The following SLC24A2 variants were observed in gnomAD, a reference collection of about 807,000 sequenced individuals.
SLC24A2 encodes the protein solute carrier family 24 member 2.
A neutral mutation model predicts 62.0 loss-of-function variants in SLC24A2; 36 were observed. The observed-to-expected ratio is 0.58, with a 90% CI of 0.44 to 0.77. SLC24A2 has a LOEUF of 0.77. Ranked by LOEUF, SLC24A2 falls within the 30% of genes least tolerant of loss-of-function variation. SLC24A2 has a pLI of 0.00. For missense variants in SLC24A2, 846 were observed against 817.9 expected, an observed-to-expected ratio of 1.03 and a Z score of -0.42; for synonymous variants, 358 against 294.0, an observed-to-expected ratio of 1.22 and a Z score of -2.23.
chr9:19,714,443 T>C (rs973701175), intron 2 of SLC24A2, among the ~76,000 whole-genome samples: 2 of 152,016 alleles, frequency 1.3e-5, no homozygotes, highest in Non-Finnish European at 1.5e-5. Context: ...TAAAACAAAA[T>C]AAAATAAAAT....
At chr9:19,732,834 G>A (rs1821379959) in intron 2 of SLC24A2, among the ~76,000 whole-genome samples, 1 of 152,052 alleles carries the variant, frequency 6.6e-6, no homozygotes, top group Non-Finnish European at 1.5e-5. Flanking sequence ...CTGGAGAAAA[G>A]GCTGAGAATT....
At chr9:19,790,059 C>T (rs1284706569), upstream of SLC24A2, among the ~76,000 whole-genome samples, 1 of 151,512 alleles carries the variant, frequency 6.6e-6, no homozygotes, top group Non-Finnish European at 1.5e-5. Context: ...TTTTTCTTCC[C>T]CCCACCCCCC....
At chr9:19,672,889 T>C (rs1292252848) in intron 2 of SLC24A2, among the ~76,000 whole-genome samples, 1 of 146,626 alleles carries the variant, frequency 6.8e-6, no homozygotes, top group Admixed American at 6.7e-5. Context: ...TCCACTGTTG[T>C]CTGAGACAGT....
intron 2 of SLC24A2, chr9:19,705,535 C>A: frequency 4.4e-6 from 1 of 228,772 alleles, no homozygotes. Flanking sequence ...TCCAGCTTGC[C>A]CAGAAAGAGA....
chr9:19,693,374 A>G (rs1478835289), intron 2 of SLC24A2, among the ~76,000 whole-genome samples: 1 of 152,128 alleles, frequency 6.6e-6, no homozygotes, highest in African/African-American at 2.4e-5. Flanking sequence ...CTGTTGGCAA[A>G]GGATTTGGTC....
the SLC24A2 span, among the ~76,000 whole-genome samples, chr9:20,089,467 G>A: frequency 6.6e-6 from 1 of 152,070 alleles, no homozygotes; most frequent in African/African-American, 2.4e-5. Context: ...CCTGGGGAAA[G>A]GATAAAAGGC....
At chr9:19,888,456 A>G in the SLC24A2 span, among the ~76,000 whole-genome samples, 2 of 152,150 alleles carry the variant, frequency 1.3e-5, no homozygotes, top group Admixed American at 6.6e-5. Flanking sequence ...TTTATTTATA[A>G]TAAAACCCCC....
At chr9:20,256,922 A>ACG in the SLC24A2 span, among the ~76,000 whole-genome samples, 7 of 36,436 alleles carry the variant, frequency 1.9e-4, no homozygotes, top group Admixed American at 2.7e-3. Flanking sequence ...TCCAGCATGT[A>ACG]CACACACACA....
intron 4 of SLC24A2, among the ~76,000 whole-genome samples, chr9:19,611,874 TC>T (rs1177809878): frequency 6.6e-6 from 1 of 152,048 alleles, no homozygotes; most frequent in Non-Finnish European, 1.5e-5. Context: ...AAAATAGATT[TC>T]CCCAAATCGA....
the SLC24A2 span, among the ~76,000 whole-genome samples, chr9:19,842,637 G>A: frequency 6.6e-6 from 1 of 152,124 alleles, no homozygotes; most frequent in Non-Finnish European, 1.5e-5. Context: ...CTCCAAGGGG[G>A]GGATGTTCCC....
the SLC24A2 span, among the ~76,000 whole-genome samples, chr9:20,287,824 A>G: frequency 6.6e-6 from 1 of 152,176 alleles, no homozygotes; most frequent in African/African-American, 2.4e-5. Flanking sequence ...CTTCAGTCTC[A>G]GTTCATAACA....
At chr9:19,744,991 T>A (rs1821790633) in intron 2 of SLC24A2, among the ~76,000 whole-genome samples, 1 of 152,154 alleles carries the variant, frequency 6.6e-6, no homozygotes, top group African/African-American at 2.4e-5. Context: ...CATCCAAATC[T>A]CCTGTTGAAA....
At chr9:19,568,428 G>A (rs1435298248) in intron 7 of SLC24A2, among the ~76,000 whole-genome samples, 1 of 152,152 alleles carries the variant, frequency 6.6e-6, no homozygotes, top group African/African-American at 2.4e-5. Context: ...ACCAATAGAC[G>A]CCTTGCCATC....
At chr9:20,082,399 C>T in the SLC24A2 span, among the ~76,000 whole-genome samples, 1 of 152,208 alleles carries the variant, frequency 6.6e-6, no homozygotes, top group Admixed American at 6.5e-5. Flanking sequence ...CCACATGACC[C>T]TCTTCTCCAA....
intron 8 of SLC24A2, among the ~76,000 whole-genome samples, chr9:19,534,796 G>A (rs894274524): frequency 6.6e-6 from 1 of 152,074 alleles, no homozygotes. Context: ...CTTTGCTATT[G>A]TGAATAGTGC....
intron 7 of SLC24A2, among the ~76,000 whole-genome samples, chr9:19,558,503 G>C (rs1260909646): frequency 6.6e-6 from 1 of 152,182 alleles, no homozygotes; most frequent in East Asian, 1.9e-4. Flanking sequence ...CTTCATTGCT[G>C]ATGGCACCCC....
chr9:19,979,345 T>C, the SLC24A2 span, among the ~76,000 whole-genome samples: 1 of 152,182 alleles, frequency 6.6e-6, no homozygotes, highest in Non-Finnish European at 1.5e-5. Context: ...AGACCACATT[T>C]TGAATAGCAA....
At chr9:20,191,475 C>A in the SLC24A2 span, among the ~76,000 whole-genome samples, 14 of 151,968 alleles carry the variant, frequency 9.2e-5, 1 homozygote, top group South Asian at 2.7e-3. Flanking sequence ...TGCCTAAGAC[C>A]AGAAGTGAGG....
the SLC24A2 span, among the ~76,000 whole-genome samples, chr9:19,885,167 G>T: frequency 6.6e-6 from 1 of 152,168 alleles, no homozygotes; most frequent in Non-Finnish European, 1.5e-5. Flanking sequence ...AAAGAAAAAA[G>T]TTCCTCAAGA....
Sources: gnomAD v4.1 joint callset for allele counts (sites outside exome capture counted in the v4.1 genomes callset) on GRCh38, gnomAD v4.1.1 for gene constraint, MANE v1.5 for transcripts, NCBI Gene and HGNC (gene_info 2026-07-23, HGNC 2026-07-21) for gene names.